Variants in KLHL1 observed in about 807,000 individuals in gnomAD.
KLHL1 encodes kelch like family member 1, also known as kelch-like protein 1.
In KLHL1, 47 loss-of-function variants were observed where a neutral mutation model predicts 77.7. The observed-to-expected ratio is 0.60, with a 90% CI of 0.48 to 0.77. The LOEUF (loss-of-function observed/expected upper bound fraction) is 0.77. Among genes scored for constraint, KLHL1 ranks in the 30% least tolerant of loss-of-function variants. The pLI, the probability that KLHL1 is intolerant of heterozygous loss-of-function variation, is 0.00. For synonymous variants in KLHL1, 360 were observed against 325.2 expected (o/e 1.11, Z -1.15); for missense variants, 925 against 910.8 (o/e 1.02, Z -0.20).
intron 1 of KLHL1, among the ~76,000 whole-genome samples, chr13:69,985,730 C>G (rs1009409595): frequency 2.0e-5 from 3 of 147,906 alleles, no homozygotes; most frequent in Non-Finnish European, 4.5e-5. Flanking sequence ...TGCTAATCAG[C>G]CTAAGTGTTC....
chr13:69,763,291 T>C (rs1414356425), intron 7 of KLHL1, among the ~76,000 whole-genome samples: 1 of 152,162 alleles, frequency 6.6e-6, no homozygotes, highest in Non-Finnish European at 1.5e-5. Context: ...TTGGGTATTA[T>C]AGAGACTCAG....
intron 7 of KLHL1, among the ~76,000 whole-genome samples, chr13:69,772,165 T>A (rs889800447): frequency 6.6e-6 from 1 of 152,076 alleles, no homozygotes; most frequent in African/African-American, 2.4e-5. Flanking sequence ...TTGGCCAAGA[T>A]GTTTTTATTT....
At chr13:69,916,869 G>A (rs191058665) in intron 4 of KLHL1, among the ~76,000 whole-genome samples, 1 of 151,690 alleles carries the variant, frequency 6.6e-6, no homozygotes, top group African/African-American at 2.4e-5. Context: ...AAAAAACAAA[G>A]AATCTTATCA....
At position 70,105,409 on chromosome 13, in the gene KLHL1, T is replaced by A. The variant is rs544276510; in HGVS notation, c.497+1794A>T. ...TACTAATGCTGAATATGCCTTATTTTAAAATGTATTTGGTATAAAGTAAAC... is the reference window on the plus strand; with the variant it reads ...TACTAATGCTGAATATGCCTTATTTAAAAATGTATTTGGTATAAAGTAAAC... On this transcript the variant is annotated intron_variant, in intron 1 of 10. Transcript: ENST00000377844. 4.9e-4 allele frequency among the ~76,000 whole-genome samples: 74 copies of A among 151,772 alleles called. 1 individual carries two copies. Among genetic ancestry groups the A allele is most frequent in the Non-Finnish European group, 8.6e-4 (58 of 67,718 alleles).
At position 70,023,759 on chromosome 13, in the gene KLHL1, C is replaced by A. The variant is rs79713224; in HGVS notation, c.498-47957G>T. ...CTGCTTTCTCATGGTTGTTTTCTAGCTTTCTAGCTTGTTTGTATATCCTTT... is the reference window on the plus strand; with the variant it reads ...CTGCTTTCTCATGGTTGTTTTCTAGATTTCTAGCTTGTTTGTATATCCTTT... On this transcript the variant is annotated intron_variant, in intron 1 of 10. Transcript: ENST00000377844. Among the ~76,000 whole-genome samples, 6 of 151,962 alleles carry A rather than the reference C, an allele frequency of 3.9e-5. No homozygotes were observed. The East Asian group carries it at 1.2e-3, about 29-fold the overall frequency.
At chr13:70,069,128 A>G (rs1306957024) in intron 1 of KLHL1, among the ~76,000 whole-genome samples, 2 of 152,174 alleles carry the variant, frequency 1.3e-5, no homozygotes, top group Non-Finnish European at 2.9e-5. Flanking sequence ...CTGGCTCACT[A>G]AAAGACGGAG....
intron 1 of KLHL1, among the ~76,000 whole-genome samples, chr13:70,071,355 T>C (rs917589183): frequency 2.6e-5 from 4 of 152,130 alleles, no homozygotes; most frequent in Admixed American, 6.5e-5. Flanking sequence ...GTGTCAAATA[T>C]GTGAGGCAAA....
intron 7 of KLHL1, among the ~76,000 whole-genome samples, chr13:69,792,551 A>C (rs1876916711): frequency 2.0e-5 from 3 of 151,046 alleles, no homozygotes; most frequent in African/African-American, 7.3e-5. Context: ...CCACACCTAC[A>C]TATATACCAA....
At chr13:70,082,446 A>T (rs1157273896) in intron 1 of KLHL1, among the ~76,000 whole-genome samples, 1 of 151,806 alleles carries the variant, frequency 6.6e-6, no homozygotes, top group Non-Finnish European at 1.5e-5. Context: ...AAGGGATCAA[A>T]ATTAGGCTTT....
At chr13:69,895,036 G>T (rs1053226467) in intron 4 of KLHL1, 31 of 505,420 alleles carry the variant, frequency 6.1e-5, no homozygotes, top group Non-Finnish European at 9.9e-5. Flanking sequence ...CTCTTCCAAG[G>T]TTCCTACTGA....
chr13:69,903,940 C>T (rs1881961316), intron 4 of KLHL1, among the ~76,000 whole-genome samples: 1 of 151,532 alleles, frequency 6.6e-6, no homozygotes, highest in Admixed American at 6.6e-5. Flanking sequence ...GCGCCCGGCC[C>T]TCACATACTT....
At chr13:70,094,517 C>G (rs1405786788) in intron 1 of KLHL1, among the ~76,000 whole-genome samples, 1 of 151,598 alleles carries the variant, frequency 6.6e-6, no homozygotes, top group African/African-American at 2.4e-5. Context: ...CTCACGTAGA[C>G]TAAAATAAAA....
At chr13:70,013,278 C>T (rs1885581397) in intron 1 of KLHL1, among the ~76,000 whole-genome samples, 1 of 152,056 alleles carries the variant, frequency 6.6e-6, no homozygotes. Flanking sequence ...ACACTTCCAA[C>T]AAAAAAGAGA....
intron 7 of KLHL1, among the ~76,000 whole-genome samples, chr13:69,767,201 C>A (rs557406929): frequency 4.1e-4 from 62 of 151,738 alleles, no homozygotes; most frequent in Non-Finnish European, 6.9e-4. Context: ...TGTTTCAGGC[C>A]AAACTAGAAT....
At chr13:69,761,521 T>C (rs1033908785) in intron 7 of KLHL1, among the ~76,000 whole-genome samples, 8 of 152,166 alleles carry the variant, frequency 5.3e-5, no homozygotes, top group Admixed American at 5.2e-4. Flanking sequence ...GGGATAAACT[T>C]CATTTAACAG....
chr13:70,017,442 C>A (rs551338270), intron 1 of KLHL1, among the ~76,000 whole-genome samples: 7 of 152,322 alleles, frequency 4.6e-5, no homozygotes, highest in Middle Eastern at 3.4e-3. Context: ...AGAGCCAAAA[C>A]TTGTGCTGGT....
At chr13:69,996,097 G>A (rs1885144572) in intron 1 of KLHL1, among the ~76,000 whole-genome samples, 1 of 152,070 alleles carries the variant, frequency 6.6e-6, no homozygotes, top group Non-Finnish European at 1.5e-5. Context: ...GAGGTCAGGA[G>A]ACTGAGACCA....
At chr13:70,094,393 T>TTTTATATATATATA (rs1555296826) in intron 1 of KLHL1, among the ~76,000 whole-genome samples, 1 of 137,148 alleles carries the variant, frequency 7.3e-6, no homozygotes, top group East Asian at 2.1e-4. Context: ...GCAATCATCT[T>TTTTATATATATATA]TATATATATA....
intron 6 of KLHL1, among the ~76,000 whole-genome samples, chr13:69,834,183 A>G (rs977983211): frequency 5.9e-5 from 9 of 151,994 alleles, no homozygotes; most frequent in Non-Finnish European, 1.2e-4. Context: ...AGAAATCACC[A>G]CTAAAGAACT....
Sources: allele counts gnomAD v4.1 joint callset (sites outside exome capture counted in the v4.1 genomes callset), GRCh38; gene constraint gnomAD v4.1.1; transcripts MANE v1.5; gene names NCBI Gene and HGNC (gene_info 2026-07-23, HGNC 2026-07-21).